Variants in NLGN1 observed in about 807,000 individuals in gnomAD.
NLGN1 encodes neuroligin 1, also known as neuroligin-1.
In NLGN1, 12 loss-of-function variants were observed where a neutral mutation model predicts 65.5. The ratio of observed to expected loss-of-function variants is 0.18; its 90% CI spans 0.12 to 0.30. NLGN1 has a LOEUF of 0.30. NLGN1 is among the 10% of genes least tolerant of loss of function. The probability of loss-of-function intolerance (pLI) is 1.00; values close to 1 mark genes in which losing one functional copy is unlikely to be tolerated. For missense variants in NLGN1, 750 were observed against 1,007.1 expected, an observed-to-expected ratio of 0.74 and a Z score of 3.46; for synonymous variants, 350 against 359.5, an observed-to-expected ratio of 0.97 and a Z score of 0.30.
chr3:174,246,710 T>G (rs1190829052), intron 4 of NLGN1, among the ~76,000 whole-genome samples: 1 of 151,390 alleles, frequency 6.6e-6, no homozygotes, highest in Non-Finnish European at 1.5e-5. Context: ...TGAGCCACTG[T>G]TTTTAGCTCC....
chr3:174,120,723 T>TTC (rs140335211), intron 4 of NLGN1, among the ~76,000 whole-genome samples: 2 of 151,746 alleles, frequency 1.3e-5, no homozygotes, highest in African/African-American at 2.4e-5. Context: ...AAATATCTCT[T>TTC]TCTCTCTCTC....
chr3:173,706,473 G>C (rs1768059777), intron 3 of NLGN1, among the ~76,000 whole-genome samples: 1 of 152,112 alleles, frequency 6.6e-6, no homozygotes, highest in Admixed American at 6.6e-5. Flanking sequence ...AACTAGATTT[G>C]CTGGCTTAAA....
At chr3:173,606,687 A>G (rs2149454067) in intron 3 of NLGN1, among the ~76,000 whole-genome samples, 1 of 152,090 alleles carries the variant, frequency 6.6e-6, no homozygotes. Flanking sequence ...AATTATTTGC[A>G]TTAAATTGAG....
intron 2 of NLGN1, among the ~76,000 whole-genome samples, chr3:173,498,206 C>G (rs1203001823): frequency 2.0e-5 from 3 of 151,184 alleles, no homozygotes; most frequent in Non-Finnish European, 4.4e-5. Flanking sequence ...CCTCCCCACT[C>G]CCCCCACCCC....
At chr3:174,160,214 A>C in intron 4 of NLGN1, among the ~76,000 whole-genome samples, 1 of 151,798 alleles carries the variant, frequency 6.6e-6, no homozygotes, top group East Asian at 1.9e-4. Context: ...TATACAAAGA[A>C]ATTCATCCAG....
In NLGN1 at chr3:174,238,900, TAAAC is replaced by T. The variant is rs575555455; in HGVS notation, c.647-36411_647-36408del. On this transcript the variant is annotated intron_variant, in intron 4 of 6. Transcript: ENST00000457714. ...CTCTCTTTCTTTAATTTTCTATACT[TAAAC>T]AAAAGGTCATCTACACTGATTATAT... is the stretch of plus-strand genomic sequence containing the variant. Among the ~76,000 whole-genome samples, 135 of 151,774 alleles carry T rather than the reference TAAAC, an allele frequency of 8.9e-4. 1 individual carries two copies. The Middle Eastern group carries it at 0.014, about 15-fold the overall frequency.
chr3:174,038,642 A>AC (rs147092078), intron 4 of NLGN1, among the ~76,000 whole-genome samples: 1 of 152,116 alleles, frequency 6.6e-6, no homozygotes, highest in Non-Finnish European at 1.5e-5. Context: ...CTCTAAGGTT[A>AC]CCCCCCTGAG....
intron 3 of NLGN1, among the ~76,000 whole-genome samples, chr3:173,790,401 T>C (rs1320571770): frequency 6.6e-6 from 1 of 152,148 alleles, no homozygotes; most frequent in East Asian, 1.9e-4. Flanking sequence ...CCTAGATTCT[T>C]TCTCAACCAC....
At chr3:173,897,739 T>G (rs1736585888) in intron 4 of NLGN1, among the ~76,000 whole-genome samples, 1 of 152,144 alleles carries the variant, frequency 6.6e-6, no homozygotes, top group Non-Finnish European at 1.5e-5. Flanking sequence ...AAGAGGAAAG[T>G]CCTGTTCACT....
At chr3:173,822,663 G>A (rs1336428505) in intron 4 of NLGN1, among the ~76,000 whole-genome samples, 1 of 151,958 alleles carries the variant, frequency 6.6e-6, no homozygotes, top group South Asian at 2.1e-4. Context: ...TGTTACTCAA[G>A]CTATATTTCA....
chr3:173,963,226 G>A (rs536769216), intron 4 of NLGN1, among the ~76,000 whole-genome samples: 7 of 152,066 alleles, frequency 4.6e-5, no homozygotes, highest in Non-Finnish European at 7.4e-5. Flanking sequence ...AGCAATGGGC[G>A]CCAGGGGGTG....
chr3:173,707,423 G>A (rs1413737245), intron 3 of NLGN1, among the ~76,000 whole-genome samples: 2 of 152,152 alleles, frequency 1.3e-5, no homozygotes, highest in Admixed American at 1.3e-4. Context: ...AAAGTAGTAA[G>A]TGTATCGCAA....
At chr3:174,263,155 T>C (rs1372559364) in intron 4 of NLGN1, among the ~76,000 whole-genome samples, 1 of 150,768 alleles carries the variant, frequency 6.6e-6, no homozygotes, top group Non-Finnish European at 1.5e-5. Flanking sequence ...AAAAAATGTA[T>C]ATTCTGTTGA....
Position 174,060,736 on chromosome 3 carries a change from C to T in NLGN1, c.647-214579C>T, listed in dbSNP as rs573829668. On this transcript the variant is annotated intron_variant, in intron 4 of 6. Coordinates refer to ENST00000457714, the Ensembl canonical transcript of NLGN1. Reference sequence around the variant, plus strand: ...CAATGAGATTTCGAGGTGCTTTTTGCTGGCTCAAGCTGATAAGAGAAAATA... The same window carrying T: ...CAATGAGATTTCGAGGTGCTTTTTGTTGGCTCAAGCTGATAAGAGAAAATA... Among the ~76,000 whole-genome samples the T allele has an allele frequency of 2.6e-5, 4 of 152,136 alleles. No homozygotes were observed. In the East Asian group the frequency reaches 7.8e-4, roughly 29 times the overall value.
intron 2 of NLGN1, among the ~76,000 whole-genome samples, chr3:173,535,027 C>T (rs1434681509): frequency 6.6e-6 from 1 of 152,282 alleles, no homozygotes; most frequent in Admixed American, 6.5e-5. Flanking sequence ...ACCACTCTCC[C>T]CCAATCACAG....
At chr3:173,905,013 A>C (rs1034452093) in intron 4 of NLGN1, among the ~76,000 whole-genome samples, 2 of 152,218 alleles carry the variant, frequency 1.3e-5, no homozygotes, top group Admixed American at 1.3e-4. Flanking sequence ...AAATTTTGGA[A>C]AAGCTCCTTT....
chr3:173,777,641 C>A (rs1427093121), intron 3 of NLGN1, among the ~76,000 whole-genome samples: 1 of 28,440 alleles, frequency 3.5e-5, no homozygotes, highest in East Asian at 4.7e-4. Context: ...GTCTATCTAT[C>A]TATCTATCTA....
chr3:174,284,068 G>A (rs1007994513), exon 7 of NLGN1: 7 of 151,132 alleles, frequency 4.6e-5, no homozygotes, highest in Admixed American at 4.6e-4. Flanking sequence ...CCTATATATA[G>A]CATAACTGTC....
chr3:174,147,192 G>C lies in NLGN1; in HGVS notation c.647-128123G>C, dbSNP rs191002863. Among the ~76,000 whole-genome samples, 103 of 152,090 alleles carry C rather than the reference G, an allele frequency of 6.8e-4. 1 individual carries two copies. The South Asian group carries it at 7.3e-3, about 11-fold the overall frequency. On this transcript the variant is annotated intron_variant, in intron 4 of 6. Transcript: ENST00000457714. The stretch of plus-strand genomic sequence containing the variant: ...ACCACAGCTAAGCCTAGATTACCCA[G>C]GTGAACTAGGGTTTGTGTAAGGATG...
Sources: gnomAD v4.1 joint callset for allele counts (sites outside exome capture counted in the v4.1 genomes callset) on GRCh38, gnomAD v4.1.1 for gene constraint, MANE v1.5 for transcripts, NCBI Gene and HGNC (gene_info 2026-07-23, HGNC 2026-07-21) for gene names.